The following IL7 variants were observed in gnomAD, a reference collection of about 807,000 sequenced individuals.
The protein encoded by IL7 is interleukin-7.
IL7 carries 3 observed loss-of-function variants against 21.6 expected under a neutral mutation model. The ratio of observed to expected loss-of-function variants is 0.14; its 90% CI spans 0.06 to 0.36. The LOEUF (loss-of-function observed/expected upper bound fraction) is 0.36, where lower values mean the gene tolerates loss of function less well. IL7 is among the 10% of genes least tolerant of loss of function. The pLI, the probability that IL7 is intolerant of heterozygous loss-of-function variation, is 1.00. For synonymous variants in IL7, 62 were observed against 68.1 expected (o/e 0.91, Z 0.44); for missense variants, 175 against 200.2 (o/e 0.87, Z 0.76).
At chr8:78,679,899 G>C (rs897437473) in intron 4 of IL7, among the ~76,000 whole-genome samples, 1 of 152,126 alleles carries the variant, frequency 6.6e-6, no homozygotes, top group South Asian at 2.1e-4. Context: ...GTTTTTCTTA[G>C]TTACCTGCTG....
intron 2 of IL7, among the ~76,000 whole-genome samples, chr8:78,741,902 T>C (rs959808181): frequency 6.6e-6 from 1 of 152,170 alleles, no homozygotes; most frequent in African/African-American, 2.4e-5. Flanking sequence ...TATAGATACA[T>C]GGTGTTGAAA....
At chr8:78,763,589 A>G (rs910848909) in intron 2 of IL7, among the ~76,000 whole-genome samples, 20 of 152,224 alleles carry the variant, frequency 1.3e-4, no homozygotes, top group African/African-American at 4.3e-4. Flanking sequence ...AAATGCATCA[A>G]TTACTCAAAA....
chr8:78,677,863 TAGAC>T (rs1367097455), intron 4 of IL7, among the ~76,000 whole-genome samples: 2 of 152,304 alleles, frequency 1.3e-5, no homozygotes, highest in African/African-American at 2.4e-5. Context: ...GGGTACTCCA[TAGAC>T]AGAGCAGCCC....
Position 78,681,044 on chromosome 8 carries a change from A to T in IL7, n.273+4845T>A, listed in dbSNP as rs1344573346. ...ACATTAGTGAAAATCCCTTTCCTGA[A>T]GATGAGGGGCCTAACATAAAAGGCT... On this transcript the variant is annotated intron_variant and non_coding_transcript_variant, in intron 4 of 4. Coordinates refer to the IL7 transcript ENST00000523959. 2.0e-5 allele frequency among the ~76,000 whole-genome samples: 3 copies of T among 151,940 alleles called. 1 individual carries two copies. In the South Asian group the frequency reaches 6.2e-4, roughly 32 times the overall value.
rs552582360 is a variant in IL7 at position 78,727,066 on chromosome 8, G to A, written n.268-5626C>T. 5.9e-5 allele frequency among the ~76,000 whole-genome samples: 9 copies of A among 152,098 alleles called. No homozygotes were observed. The South Asian group carries it at 1.9e-3, about 32-fold the overall frequency. ...CATTAGGTCCTGAGAAAACTCCAAGGACTGGTACATCTGTGGGCCTCTATG... is the reference window on the plus strand; with the variant it reads ...CATTAGGTCCTGAGAAAACTCCAAGAACTGGTACATCTGTGGGCCTCTATG... On this transcript the variant is annotated intron_variant and non_coding_transcript_variant, in intron 3 of 6. Transcript: ENST00000519833.
intron 1 of IL7, 145 bp from the exon 2 acceptor site, chr8:78,798,353 T>C (rs1813933989): frequency 5.1e-6 from 3 of 591,572 alleles, no homozygotes; most frequent in Non-Finnish European, 5.7e-6. Context: ...ACCTCAAAAG[T>C]TGAACTTATG....
At chr8:78,766,886 G>C (rs1234197271) in intron 2 of IL7, among the ~76,000 whole-genome samples, 1 of 152,014 alleles carries the variant, frequency 6.6e-6, no homozygotes, top group Non-Finnish European at 1.5e-5. Flanking sequence ...AAAATAATTT[G>C]TGCTTCTACC....
intron 3 of IL7, among the ~76,000 whole-genome samples, chr8:78,702,104 C>A (rs1042903414): frequency 6.6e-5 from 10 of 152,048 alleles, no homozygotes; most frequent in African/African-American, 2.4e-4. Flanking sequence ...TGGTCCTGGG[C>A]TTTTTTCAAT....
chr8:78,775,554 G>A (rs76755877), intron 2 of IL7, among the ~76,000 whole-genome samples: 3,448 of 152,100 alleles, frequency 0.023, 119 homozygotes, highest in African/African-American at 0.077. Flanking sequence ...AATTCTAATT[G>A]GAAAAATCAG....
chr8:78,783,051 CAGACT>C (rs1813393037), intron 2 of IL7, among the ~76,000 whole-genome samples: 1 of 152,140 alleles, frequency 6.6e-6, no homozygotes, highest in Non-Finnish European at 1.5e-5. Flanking sequence ...GGGGAAAAGG[CAGACT>C]GGAGCTGCAG....
At chr8:78,680,538 T>C (rs908778179) in intron 4 of IL7, among the ~76,000 whole-genome samples, 9 of 152,190 alleles carry the variant, frequency 5.9e-5, no homozygotes, top group Non-Finnish European at 1.2e-4. Flanking sequence ...ATTTGAATGT[T>C]GTAAGTGTAG....
intron 5 of IL7, among the ~76,000 whole-genome samples, chr8:78,735,767 A>C (rs1216816399): frequency 6.6e-6 from 1 of 152,166 alleles, no homozygotes; most frequent in Non-Finnish European, 1.5e-5. Context: ...TTCTGAAAAG[A>C]GTAAGGAATT....
intron 2 of IL7, among the ~76,000 whole-genome samples, chr8:78,748,778 C>T (rs1179351854): frequency 1.3e-5 from 2 of 151,832 alleles, no homozygotes; most frequent in African/African-American, 4.8e-5. Flanking sequence ...AAGTGGTGGT[C>T]CATAGTAAAT....
At chr8:78,760,873 C>T in intron 2 of IL7, 2 of 1,559,780 alleles carry the variant, frequency 1.3e-6, no homozygotes, top group East Asian at 2.3e-5. Context: ...TGAGTGAATG[C>T]AGTACTGCAG....
At position 78,761,792 on chromosome 8, in the gene IL7, C is replaced by T. The variant is rs867082268; in HGVS notation, c.148-21710G>A. 417 of 1,612,024 alleles carry T rather than the reference C, an allele frequency of 2.6e-4. No individual in the cohort carries two copies. The Middle Eastern group carries it at 4.3e-3, about 17-fold the overall frequency. On this transcript the variant is annotated intron_variant, in intron 2 of 5. Coordinates refer to ENST00000263851, the MANE Select transcript of IL7 (RefSeq NM_000880.4). ...AAACCGCTTTCTCAGAACCTCTTCA[C>T]CAGAATTTATCCGACACTCCAGTAG...
At position 78,733,803 on chromosome 8, in the gene IL7, T is replaced by C; in HGVS notation, c.444A>G (p.Lys148=). ...TTAGGAAACACAAGTCATTCAGTTT[T>C]TTCTGTTCCTTTAAAGATTTATTTT... is the stretch of plus-strand genomic sequence containing the variant. ...LEENKSLKEQ[K]KLNDLCFLKR... is the part of the protein sequence containing the mutation. Residue 148 remains lysine, a synonymous_variant, in exon 6 of 6, where the codon AAA becomes AAG. Transcript: ENST00000263851. The C allele has an allele frequency of 6.3e-7, 1 of 1,579,004 alleles. No individual in the cohort carries two copies. Among genetic ancestry groups the C allele is most frequent in the Non-Finnish European group, 8.6e-7 (1 of 1,162,628 alleles).
In IL7 at chr8:78,760,120, A is replaced by G. The variant is rs1448523178; in HGVS notation, c.148-20038T>C. 13 of 1,501,952 alleles carry G rather than the reference A, an allele frequency of 8.7e-6. No homozygotes were observed. In the African/African-American group the frequency reaches 1.7e-4, roughly 20 times the overall value. 93.0% of individuals were successfully genotyped at this position (1,501,952 alleles called of 1,614,324 possible). A position where few individuals can be genotyped will look rare whatever the true frequency, so the allele number is the denominator to read the frequency against. On this transcript the variant is annotated intron_variant, in intron 2 of 5. Transcript: ENST00000263851. ...TTTACTTCCAAATATCAAATATAAG[A>G]AAGCCTGTTTTTAAAAGTCTCTTAG...
chr8:78,736,994 A>G lies in IL7; in HGVS notation c.361-467T>C, dbSNP rs539388796. ...TCATGAAGAAAATTCAGTGTAGCTG[A>G]CTGCTTTAACATCTTGCCTTGTTAT... On this transcript the variant is annotated intron_variant, in intron 4 of 5. Transcript: ENST00000263851. Among the ~76,000 whole-genome samples, 4 of 152,252 alleles carry G rather than the reference A, an allele frequency of 2.6e-5. No individual in the cohort carries two copies. The East Asian group carries it at 7.7e-4, about 29-fold the overall frequency.
intron 3 of IL7, among the ~76,000 whole-genome samples, chr8:78,690,330 C>T (rs148803177): frequency 1.3e-5 from 2 of 152,104 alleles, no homozygotes; most frequent in African/African-American, 2.4e-5. Context: ...GAGGCCAAGG[C>T]GGGCAGATCA....
Sources: gnomAD v4.1 joint callset for allele counts (sites outside exome capture counted in the v4.1 genomes callset) on GRCh38, gnomAD v4.1.1 for gene constraint, MANE v1.5 for transcripts, NCBI Gene and HGNC (gene_info 2026-07-23, HGNC 2026-07-21) for gene names.